The following PAK2 variants were observed in gnomAD, a reference collection of about 807,000 sequenced individuals.
PAK2 encodes the protein serine/threonine-protein kinase PAK 2.
A neutral mutation model predicts 65.9 loss-of-function variants in PAK2; 21 were observed. The observed-to-expected ratio is 0.32, with a 90% CI of 0.23 to 0.46. The LOEUF (loss-of-function observed/expected upper bound fraction) is 0.46. Ranked by LOEUF, PAK2 falls within the 20% of genes least tolerant of loss-of-function variation. PAK2 has a pLI of 1.00. For synonymous variants in PAK2, 204 were observed against 219.7 expected (o/e 0.93, Z 0.63); for missense variants, 324 against 642.6 (o/e 0.50, Z 5.36).
At chr3:196,778,755 C>T (rs1283493996) in intron 1 of PAK2, among the ~76,000 whole-genome samples, 1 of 152,180 alleles carries the variant, frequency 6.6e-6, no homozygotes. Context: ...TGATCTGTTA[C>T]AGTTTCTCAG....
At chr3:196,762,912 C>T (rs1161907092) in intron 1 of PAK2, among the ~76,000 whole-genome samples, 1 of 152,016 alleles carries the variant, frequency 6.6e-6, no homozygotes, top group Non-Finnish European at 1.5e-5. Context: ...GAGAGAGAAG[C>T]CATACAGTAA....
chr3:196,776,622 G>A (rs1249337330), intron 1 of PAK2, among the ~76,000 whole-genome samples: 1 of 152,300 alleles, frequency 6.6e-6, no homozygotes, highest in South Asian at 2.1e-4. Context: ...TGATGACATA[G>A]ATGGTGATAT....
At chr3:196,815,765 G>T (rs762009460) in intron 11 of PAK2, among the ~76,000 whole-genome samples, 1 of 150,748 alleles carries the variant, frequency 6.6e-6, no homozygotes, top group Non-Finnish European at 1.5e-5. Flanking sequence ...CCAGCCTGGC[G>T]ACAGAGCAAG....
intron 1 of PAK2, among the ~76,000 whole-genome samples, chr3:196,771,427 GTTCT>G (rs1213801388): frequency 5.9e-5 from 9 of 151,962 alleles, no homozygotes; most frequent in Admixed American, 3.3e-4. Context: ...ACAGATTTGT[GTTCT>G]TTATCAGTTC....
chr3:196,827,280 C>A lies in PAK2; in HGVS notation c.1435C>A (p.Arg479=). The A allele has an allele frequency of 6.2e-7, 1 of 1,612,082 alleles. No homozygotes were observed. The highest frequency in any genetic ancestry group is 1.3e-5 in the African/African-American group (1 of 74,882). The stretch of plus-strand genomic sequence containing the variant: ...CCCAATATTTCGGGATTTCTTAAAT[C>A]GATGTTTGGAAATGGATGTGGAAAA... ...LSPIFRDFLN[R]CLEMDVEKRG... The change falls in exon 14 of 15, where the codon CGA becomes AGA. Residue 479 remains arginine (R), a synonymous_variant. Transcript: ENST00000327134.
chr3:196,761,614 C>CT (rs1713967086), intron 1 of PAK2, among the ~76,000 whole-genome samples: 1 of 132,620 alleles, frequency 7.5e-6, no homozygotes, highest in Non-Finnish European at 1.6e-5. Flanking sequence ...CCTTTCCCGC[C>CT]TTTCTATTCC....
chr3:196,811,232 TC>T lies in PAK2; in HGVS notation c.773+582del, dbSNP rs1180843285. Among the ~76,000 whole-genome samples the T allele has an allele frequency of 3.1e-3, 14 of 4,584 alleles. 1 individual carries two copies. The highest frequency in any genetic ancestry group is 7.0e-3 in the South Asian group (1 of 142). 3.0% of individuals were successfully genotyped at this position (4,584 alleles called of 152,430 possible). ...CTTCCCTTCCCTCCCTCCCTTCCCT[TC>T]CCTTCCTTCCCTCCCTCCCCTCCCT... On this transcript the variant is annotated intron_variant, in intron 8 of 14. Transcript: ENST00000327134.
intron 1 of PAK2, among the ~76,000 whole-genome samples, chr3:196,761,301 C>T (rs1218300337): frequency 1.1e-4 from 12 of 105,024 alleles, no homozygotes; most frequent in Admixed American, 3.3e-4. Context: ...GAGGACCCTG[C>T]GGCCTTCCGC....
chr3:196,819,572 T>C (rs539077376), intron 12 of PAK2, among the ~76,000 whole-genome samples: 9 of 152,210 alleles, frequency 5.9e-5, no homozygotes, highest in Non-Finnish European at 1.2e-4. Context: ...ATAGATATTA[T>C]TCATGCATAT....
chr3:196,790,240 G>C (rs1715025798), intron 2 of PAK2, among the ~76,000 whole-genome samples: 1 of 152,182 alleles, frequency 6.6e-6, no homozygotes, highest in Non-Finnish European at 1.5e-5. Flanking sequence ...CTAAAAGGTA[G>C]TGCCCTAGAG....
chr3:196,751,672 T>TAC lies in PAK2; in HGVS notation c.-22+11517_-22+11518dup, dbSNP rs201692031. Among the ~76,000 whole-genome samples the TAC allele has an allele frequency of 6.9e-5, 2 of 29,146 alleles. 1 individual carries two copies. Among genetic ancestry groups the TAC allele is most frequent in the South Asian group, 1.5e-3 (2 of 1,346 alleles). 19.1% of individuals were successfully genotyped at this position (29,146 alleles called of 152,430 possible). On this transcript the variant is annotated intron_variant, in intron 1 of 14. Transcript: ENST00000327134. ...CAAAAAACACACAAATTTATTTATA[T>TAC]ACATATATATATATATATATATAAT... is the stretch of plus-strand genomic sequence containing the variant.
chr3:196,778,708 C>G (rs1374446921), intron 1 of PAK2, among the ~76,000 whole-genome samples: 1 of 152,188 alleles, frequency 6.6e-6, no homozygotes, highest in Non-Finnish European at 1.5e-5. Flanking sequence ...AGGATCCAAT[C>G]CAGGGTGTCA....
intron 1 of PAK2, among the ~76,000 whole-genome samples, chr3:196,763,344 G>A (rs545590020): frequency 6.6e-6 from 1 of 152,260 alleles, no homozygotes; most frequent in East Asian, 1.9e-4. Context: ...TGATGCTGGA[G>A]GAGCTGCCTG....
intron 1 of PAK2, among the ~76,000 whole-genome samples, chr3:196,751,695 A>T (rs1305503214): frequency 0.29 from 18,976 of 65,632 alleles, 4,584 homozygotes; most frequent in African/African-American, 0.38. Context: ...ATATATATAT[A>T]ATTCAGGCTA....
intron 1 of PAK2, among the ~76,000 whole-genome samples, chr3:196,781,515 C>T (rs1714712979): frequency 6.6e-6 from 1 of 152,186 alleles, no homozygotes; most frequent in Admixed American, 6.5e-5. Context: ...GGGATGTGGC[C>T]ACACTCAGCC....
At chr3:196,817,623 G>T (rs1294454420) in intron 11 of PAK2, among the ~76,000 whole-genome samples, 1 of 151,856 alleles carries the variant, frequency 6.6e-6, no homozygotes, top group Admixed American at 6.6e-5. Context: ...AAAGTGCTGG[G>T]ATTACAGAAG....
rs185080719 is a variant in PAK2, at chr3:196,828,633, C to T, written c.*228C>T. On this transcript the variant is annotated 3_prime_UTR_variant, in exon 15 of 15. Coordinates refer to ENST00000327134, the MANE Select transcript of PAK2 (RefSeq NM_002577.4). ...CCAGAAGGAATTGTGGACTGAATCA[C>T]TAGCCTTAGGTCTTTCAGCAAACAG... The T allele has an allele frequency of 4.1e-6, 2 of 484,298 alleles. No individual in the cohort carries two copies. 30.0% of individuals were successfully genotyped at this position (484,298 alleles called of 1,614,324 possible).
chr3:196,754,142 C>G (rs139169148), intron 1 of PAK2, among the ~76,000 whole-genome samples: 1 of 152,238 alleles, frequency 6.6e-6, no homozygotes, highest in African/African-American at 2.4e-5. Flanking sequence ...ATTATCTTAT[C>G]TCATCCTGGT....
At chr3:196,775,539 C>A (rs1206312185) in intron 1 of PAK2, among the ~76,000 whole-genome samples, 1 of 152,044 alleles carries the variant, frequency 6.6e-6, no homozygotes, top group Non-Finnish European at 1.5e-5. Flanking sequence ...CCCACCACCA[C>A]AACCGGCTAA....
Sources: gnomAD v4.1 joint callset for allele counts (sites outside exome capture counted in the v4.1 genomes callset) on GRCh38, gnomAD v4.1.1 for gene constraint, MANE v1.5 for transcripts, NCBI Gene and HGNC (gene_info 2026-07-23, HGNC 2026-07-21) for gene names.